The following FHIP2B variants were observed in gnomAD, a reference collection of about 807,000 sequenced individuals.
FHIP2B encodes the protein FHF complex subunit HOOK-interacting protein 2B.
In FHIP2B, 72 loss-of-function variants were observed where a neutral mutation model predicts 84.0. The observed-to-expected ratio is 0.86, with a 90% CI of 0.71 to 1.04. The LOEUF (loss-of-function observed/expected upper bound fraction) is 1.04. FHIP2B is among the 50% of genes least tolerant of loss of function. The pLI, the probability that FHIP2B is intolerant of heterozygous loss-of-function variation, is 0.00. For missense variants in FHIP2B, 972 were observed against 968.9 expected (o/e 1.00, Z -0.04); for synonymous variants, 497 against 418.7 (o/e 1.19, Z -2.28).
intron 1 of FHIP2B, 50 bp from the exon 2 acceptor site, chr8:22,094,390 C>G: frequency 6.5e-7 from 1 of 1,535,388 alleles, no homozygotes; most frequent in Non-Finnish European, 8.8e-7. Flanking sequence ...CGGGCAGGGG[C>G]TCCCTGGCCT....
chr8:22,089,369 C>T lies in FHIP2B; in HGVS notation c.45+71C>T, dbSNP rs966289739. The T allele has an allele frequency of 3.3e-6, 3 of 915,796 alleles. No individual in the cohort carries two copies. In the African/African-American group the frequency reaches 5.4e-5, roughly 17 times the overall value. 56.7% of individuals were successfully genotyped at this position (915,796 alleles called of 1,614,324 possible). On this transcript the variant is annotated intron_variant, in intron 1 of 16. Transcript: ENST00000289921. The stretch of plus-strand genomic sequence containing the variant: ...AGGCCGGGCTGGGCGGGCGCGGAGC[C>T]GGGCGCGGCCCGCAGGAGGGCGGGC...
In FHIP2B at chr8:22,098,572, C is replaced by G; in HGVS notation, c.918C>G (p.Val306=). The change falls in exon 7 of 17, where the codon GTC becomes GTG. Residue 306 remains valine (V), a synonymous_variant. Coordinates refer to ENST00000289921, the MANE Select transcript of FHIP2B (RefSeq NM_022749.7). ...HLCQLYRSMP[V]FLDPADIATL... The stretch of plus-strand genomic sequence containing the variant: ...GCCAGTTGTACCGGTCCATGCCTGT[C>G]TTCCTGGACCCCGCAGACATTGCCA... 6.2e-7 allele frequency: 1 copy of G among 1,607,810 alleles called. No individual in the cohort carries two copies. Among genetic ancestry groups the G allele is most frequent in the South Asian group, 1.1e-5 (1 of 90,192 alleles).
At chr8:22,101,417 C>T in intron 12 of FHIP2B, 23 bp from the exon 13 acceptor site, 3 of 1,586,910 alleles carry the variant, frequency 1.9e-6, no homozygotes, top group Non-Finnish European at 2.6e-6. Context: ...GGGAGCGCCT[C>T]CACACCGGCT....
In FHIP2B at chr8:22,096,413, G is replaced by A; in HGVS notation, c.201G>A (p.Glu67=). The part of the protein sequence containing the change: ...KQMLDILVYE[E]QQQAAAGEAG... Reference sequence around the variant, plus strand: ...TGCTGGATATCCTGGTGTATGAAGAGCAGCAGCAGGCGGCCGCGGGTGAGG... The same window carrying A: ...TGCTGGATATCCTGGTGTATGAAGAACAGCAGCAGGCGGCCGCGGGTGAGG... Residue 67 remains glutamate (E), a synonymous_variant, in exon 3 of 17, where the codon GAG becomes GAA. Transcript: ENST00000289921. 1.3e-6 allele frequency: 2 copies of A among 1,556,912 alleles called. No individual in the cohort carries two copies. Among genetic ancestry groups the A allele is most frequent in the Non-Finnish European group, 8.7e-7 (1 of 1,150,222 alleles).
chr8:22,104,399 G>A lies in FHIP2B; in HGVS notation c.*1468G>A, dbSNP rs1826290483. ...GCGTGGACACCGTGGCTCTGTTCTT[G>A]GCCAAGTTTCCCCACCTTCTGCCCA... is the stretch of plus-strand genomic sequence containing the variant. On this transcript the variant is annotated 3_prime_UTR_variant, in exon 17 of 17. Transcript: ENST00000289921. 1 of 152,384 alleles carries A rather than the reference G, an allele frequency of 6.6e-6. No individual in the cohort carries two copies. The highest frequency in any genetic ancestry group is 1.5e-5 in the Non-Finnish European group (1 of 68,032). 9.4% of individuals were successfully genotyped at this position (152,384 alleles called of 1,614,324 possible).
Position 22,102,975 on chromosome 8 carries a change from C to T in FHIP2B, c.*44C>T, listed in dbSNP as rs912879827. ...GGAGACTCCTGTCCACACCTCTGCC[C>T]CAGAGCTGCCTCCTGCCTGGCACTG... is the stretch of plus-strand genomic sequence containing the variant. On this transcript the variant is annotated 3_prime_UTR_variant, in exon 17 of 17. Transcript: ENST00000289921. The T allele has an allele frequency of 6.3e-7, 1 of 1,588,724 alleles. No homozygotes were observed. The highest frequency in any genetic ancestry group is 2.3e-5 in the East Asian group (1 of 44,424).
At chr8:22,097,926 G>A in intron 5 of FHIP2B, 87 bp downstream of exon 5, 2 of 1,570,112 alleles carry the variant, frequency 1.3e-6, no homozygotes, top group Non-Finnish European at 8.7e-7. Context: ...CAGAAGCAGA[G>A]ATCAGGTACC....
chr8:22,100,456 A>C, intron 10 of FHIP2B, 138 bp from the exon 11 acceptor site: 1 of 994,630 alleles, frequency 1.0e-6, no homozygotes, highest in South Asian at 3.2e-5. Flanking sequence ...ACTACCCCCA[A>C]AACCTGCCAC....
intron 3 of FHIP2B, 119 bp downstream of exon 3, chr8:22,096,628 G>A: frequency 7.4e-7 from 1 of 1,357,020 alleles, no homozygotes; most frequent in Non-Finnish European, 9.6e-7. Context: ...CCCTCTGAGT[G>A]CTGGGCCAGG....
chr8:22,089,391 G>T (rs1172122289), intron 1 of FHIP2B, 93 bp downstream of exon 1: 3 of 725,064 alleles, frequency 4.1e-6, no homozygotes, highest in Non-Finnish European at 5.0e-6. Context: ...GCAGGAGGGC[G>T]GGCGGGCGCG....
At chr8:22,092,625 C>T (rs1159230666) in intron 1 of FHIP2B, among the ~76,000 whole-genome samples, 5 of 146,038 alleles carry the variant, frequency 3.4e-5, no homozygotes, top group Admixed American at 1.4e-4. Context: ...CATTGACCTG[C>T]TCCCTGCTGC....
Position 22,101,987 on chromosome 8 carries a change from C to T in FHIP2B, c.1851+136C>T, listed in dbSNP as rs191672801. 107 of 1,499,708 alleles carry T rather than the reference C, an allele frequency of 7.1e-5. 1 individual carries two copies. In the Admixed American group the frequency reaches 1.8e-3, roughly 25 times the overall value. 92.9% of individuals were successfully genotyped at this position (1,499,708 alleles called of 1,614,324 possible). A position where few individuals can be genotyped will look rare whatever the true frequency, so the allele number is the denominator to read the frequency against. ...TGTCCTTTCCCCAGGTGGGAAGCCC[C>T]GTCTCACCCCTGCTCCACACGTCCT... On this transcript the variant is annotated intron_variant, in intron 14 of 16. Coordinates refer to ENST00000289921, the MANE Select transcript of FHIP2B (RefSeq NM_022749.7).
At chr8:22,097,194 G>A (rs1469099872) in intron 3 of FHIP2B, 11 of 417,056 alleles carry the variant, frequency 2.6e-5, no homozygotes, top group Non-Finnish European at 4.8e-5. Flanking sequence ...AACGTGGCAA[G>A]GGAAGCAGGC....
intron 1 of FHIP2B, among the ~76,000 whole-genome samples, chr8:22,092,074 CTG>C (rs763032662): frequency 2.4e-4 from 37 of 152,172 alleles, no homozygotes; most frequent in Non-Finnish European, 3.2e-4. Flanking sequence ...TTTGGAATAA[CTG>C]TGGGTGGTGC....
chr8:22,089,533 C>A (rs964863284), intron 1 of FHIP2B, among the ~76,000 whole-genome samples: 1 of 152,048 alleles, frequency 6.6e-6, no homozygotes, highest in Non-Finnish European at 1.5e-5. Flanking sequence ...CCGGCCTGCT[C>A]CCGCGTCGCT....
chr8:22,099,317 G>T lies in FHIP2B; in HGVS notation c.1108G>T (p.Glu370Ter). Residue 370 changes from glutamate to a stop codon, truncating the protein, a stop_gained, in exon 9 of 17, where the codon GAG (glutamate) becomes TAG (stop). Coordinates refer to ENST00000289921, the MANE Select transcript of FHIP2B (RefSeq NM_022749.7). LOFTEE classifies it high-confidence loss of function. Reference sequence around the variant, plus strand: ...GGACGCCTTGGCGAAGGCTGTGGCTGAGAACTTCTTCGTGGAGACCCTGCA... The same window carrying T: ...GGACGCCTTGGCGAAGGCTGTGGCTTAGAACTTCTTCGTGGAGACCCTGCA... ...VADALAKAVA[E>*]NFFVETLQPQ... is the part of the protein sequence containing the mutation. 6.2e-7 allele frequency: 1 copy of T among 1,613,834 alleles called. No individual in the cohort carries two copies.
chr8:22,102,499 A>T, intron 15 of FHIP2B, 29 bp from the exon 16 acceptor site: 1 of 1,548,474 alleles, frequency 6.5e-7, no homozygotes, highest in African/African-American at 1.4e-5. Context: ...TGCTGGCCCC[A>T]TCTGAGTCCC....
At chr8:22,094,670 C>A in intron 2 of FHIP2B, 152 bp downstream of exon 2, 1 of 1,484,040 alleles carries the variant, frequency 6.7e-7, no homozygotes, top group Non-Finnish European at 8.9e-7. Flanking sequence ...ACCAGACAGA[C>A]AGAAGACCCA....
intron 10 of FHIP2B, chr8:22,100,298 C>G (rs927783012): frequency 5.0e-6 from 2 of 398,554 alleles, no homozygotes; most frequent in Non-Finnish European, 8.8e-6. Context: ...CGTACTACTT[C>G]GTGAGGTAGG....
Sources: gnomAD v4.1 joint callset for allele counts (sites outside exome capture counted in the v4.1 genomes callset) on GRCh38, gnomAD v4.1.1 for gene constraint, MANE v1.5 for transcripts, NCBI Gene and HGNC (gene_info 2026-07-23, HGNC 2026-07-21) for gene names.